Variants in PRPF39 observed in about 807,000 individuals in gnomAD.
PRPF39 encodes the protein pre-mRNA processing factor 39, also known as pre-mRNA-processing factor 39.
Under a neutral mutation model 82.1 loss-of-function variants are expected in PRPF39, and 27 were observed. The observed-to-expected ratio is 0.33, with a 90% CI of 0.24 to 0.45. PRPF39 has a LOEUF of 0.45. PRPF39 is among the 20% of genes least tolerant of loss of function. The probability of loss-of-function intolerance (pLI) is 1.00; values close to 1 mark genes in which losing one functional copy is unlikely to be tolerated. For missense variants in PRPF39, 581 were observed against 796.9 expected, an observed-to-expected ratio of 0.73 and a Z score of 3.26; for synonymous variants, 261 against 256.4, an observed-to-expected ratio of 1.02 and a Z score of -0.17.
At chr14:45,105,859 G>A (rs1594733514) in intron 5 of PRPF39, among the ~76,000 whole-genome samples, 1 of 152,010 alleles carries the variant, frequency 6.6e-6, no homozygotes, top group South Asian at 2.1e-4. Context: ...TCTGATAGTA[G>A]TATAGAGGTG....
chr14:45,108,397 TCC>T lies in PRPF39; in HGVS notation c.904-16_904-15del. On this transcript the variant is annotated splice_polypyrimidine_tract_variant and intron_variant, in intron 6 of 13. Transcript: ENST00000355765. ...ATACAGTTTGTGAGATTTATTTTTTTCCCTTTTTCTTCCCAAGCTAATTACAG... is the reference window on the plus strand; with the variant it reads ...ATACAGTTTGTGAGATTTATTTTTTTCTTTTTCTTCCCAAGCTAATTACAG... 1 of 1,562,906 alleles carries T rather than the reference TCC, an allele frequency of 6.4e-7. No homozygotes were observed. Among genetic ancestry groups the T allele is most frequent in the African/African-American group, 1.4e-5 (1 of 71,844 alleles).
intron 10 of PRPF39, among the ~76,000 whole-genome samples, chr14:45,111,934 G>T (rs969626031): frequency 2.0e-5 from 3 of 151,988 alleles, no homozygotes; most frequent in Non-Finnish European, 4.4e-5. Context: ...CACCACGCCC[G>T]GTTAAGATGT....
Position 45,109,783 on chromosome 14 carries a change from A to G in PRPF39, c.1176+3A>G, listed in dbSNP as rs1314778050. 4 of 1,592,812 alleles carry G rather than the reference A, an allele frequency of 2.5e-6. No homozygotes were observed. Among genetic ancestry groups the G allele is most frequent in the Admixed American group, 1.8e-5 (1 of 55,642 alleles). On this transcript the variant is annotated splice_donor_region_variant and intron_variant, in intron 8 of 13. Coordinates refer to ENST00000355765, the MANE Select transcript of PRPF39 (RefSeq NM_017922.4). ...TCTATGAGGAGTTTTGGATTAAGGT[A>G]AGAAAATCATGTGCTCTTAAACTTG...
rs1884162394 is a variant in PRPF39, at chr14:45,095,290, A to T, written c.51A>T (p.Thr17=). 7 of 1,611,610 alleles carry T rather than the reference A, an allele frequency of 4.3e-6. No individual in the cohort carries two copies. Among genetic ancestry groups the T allele is most frequent in the African/African-American group, 1.3e-5 (1 of 74,906 alleles). Residue 17 remains threonine (T), a synonymous_variant, in exon 2 of 14, where the codon ACA becomes ACT. Transcript: ENST00000355765. Reference sequence around the variant, plus strand: ...ACAGAAATTCTAGTAATGGCAGCACAGGCAACAGTTCAGAGGTAGTGGTAG... The same window carrying T: ...ACAGAAATTCTAGTAATGGCAGCACTGGCAACAGTTCAGAGGTAGTGGTAG... ...DEYRNSSNGS[T]GNSSEVVVEH...
Position 45,110,997 on chromosome 14 carries a change from A to G in PRPF39, c.1572+180A>G. 1 of 615,162 alleles carries G rather than the reference A, an allele frequency of 1.6e-6. No homozygotes were observed. The highest frequency in any genetic ancestry group is 2.8e-6 in the Non-Finnish European group (1 of 362,552). The allele number at this position is 615,162 out of a possible 1,614,324, so 38.1% of individuals were successfully genotyped here. ...AAAAATTTTTTTCAAATTGTTTTGA[A>G]TTAAAAGTTTTAGACATTAAGATTA... On this transcript the variant is annotated intron_variant, in intron 10 of 13. Coordinates refer to ENST00000355765, the MANE Select transcript of PRPF39 (RefSeq NM_017922.4). This position sits in a 1 kb window ranked among gnomAD's most constrained non-coding sequence, Gnocchi z 4.0.
Position 45,095,372 on chromosome 14 carries a change from C to A in PRPF39, c.133C>A (p.Pro45Thr), listed in dbSNP as rs755413022. Residue 45 changes from proline to threonine, a missense_variant, in exon 2 of 14, where the codon CCT (proline) becomes ACT (threonine). Pro to Thr is a conservative substitution (Grantham distance 38). Transcript: ENST00000355765. ...IMNVTEMEQSPDDSPNVNAST... is the reference protein window; with the variant it reads ...IMNVTEMEQSTDDSPNVNAST... ...GAACGTTACAGAAATGGAACAGTCA[C>A]CTGATGACTCTCCCAATGTGAATGC... 3 of 1,613,742 alleles carry A rather than the reference C, an allele frequency of 1.9e-6. No individual in the cohort carries two copies. The highest frequency in any genetic ancestry group is 1.1e-5 in the South Asian group (1 of 91,082).
At position 45,110,921 on chromosome 14, in the gene PRPF39, A is replaced by G. The variant is rs566286272; in HGVS notation, c.1572+104A>G. ...GAAAGATTTGGTCTGTATGTAATAG[A>G]TTTTATTACTAAATGAGGACAACAG... On this transcript the variant is annotated intron_variant, in intron 10 of 13. Coordinates refer to ENST00000355765, the MANE Select transcript of PRPF39 (RefSeq NM_017922.4). The surrounding 1 kb of genome is among the most constrained non-coding windows in gnomAD (Gnocchi z 4.0). 12 of 1,117,476 alleles carry G rather than the reference A, an allele frequency of 1.1e-5. No homozygotes were observed. The highest frequency in any genetic ancestry group is 2.9e-5 in the Admixed American group (1 of 35,068). 69.2% of individuals were successfully genotyped at this position (1,117,476 alleles called of 1,614,324 possible). A position where few individuals can be genotyped will look rare whatever the true frequency, so the allele number is the denominator to read the frequency against.
At chr14:45,097,652 T>C (rs1884243224) in intron 4 of PRPF39, among the ~76,000 whole-genome samples, 1 of 152,174 alleles carries the variant, frequency 6.6e-6, no homozygotes, top group Non-Finnish European at 1.5e-5. Context: ...GTGGCATCTC[T>C]TTTAATTTGT....
At chr14:45,087,686 A>C (rs1398951391) in intron 1 of PRPF39, among the ~76,000 whole-genome samples, 2 of 148,882 alleles carry the variant, frequency 1.3e-5, no homozygotes, top group Non-Finnish European at 1.5e-5. Flanking sequence ...CCATTCTCCT[A>C]CCTCAGCCTC....
intron 5 of PRPF39, among the ~76,000 whole-genome samples, chr14:45,105,681 G>C (rs988618903): frequency 6.6e-6 from 1 of 151,436 alleles, no homozygotes; most frequent in Non-Finnish European, 1.5e-5. Context: ...TGCCCGCCCC[G>C]ACACGGAGCT....
At chr14:45,102,409 T>C (rs1203931876) in intron 4 of PRPF39, 120 bp from the exon 5 acceptor site, 2 of 790,512 alleles carry the variant, frequency 2.5e-6, no homozygotes, top group African/African-American at 3.6e-5. Context: ...TAATCCCTAC[T>C]TGCATAGGAA....
intron 1 of PRPF39, among the ~76,000 whole-genome samples, chr14:45,085,669 T>C (rs1234512564): frequency 1.3e-5 from 2 of 152,188 alleles, no homozygotes; most frequent in Non-Finnish European, 2.9e-5. Context: ...ATGTAGAGAC[T>C]TTAAAAAGTC....
intron 12 of PRPF39, 53 bp from the exon 13 acceptor site, chr14:45,114,441 A>G (rs1483505052): frequency 1.3e-6 from 2 of 1,501,006 alleles, no homozygotes; most frequent in East Asian, 2.3e-5. Context: ...TCTATTCGTT[A>G]AAGTTCTTAC....
chr14:45,100,225 G>A (rs1884330967), intron 4 of PRPF39, among the ~76,000 whole-genome samples: 1 of 151,064 alleles, frequency 6.6e-6, no homozygotes, highest in Non-Finnish European at 1.5e-5. Context: ...GCGAGACCCT[G>A]TCTCAAAAAC....
chr14:45,088,439 C>T (rs1883913361), intron 1 of PRPF39: 1 of 153,100 alleles, frequency 6.5e-6, no homozygotes, highest in African/African-American at 2.4e-5. Context: ...ACTGCATGTA[C>T]TAAGGTTCCT....
intron 4 of PRPF39, among the ~76,000 whole-genome samples, chr14:45,099,739 C>T (rs768290311): frequency 3.2e-4 from 48 of 152,170 alleles, no homozygotes; most frequent in Admixed American, 2.6e-4. Context: ...CCACCACGCC[C>T]GGCCCAGATT....
chr14:45,097,458 C>T (rs1884237522), intron 4 of PRPF39, among the ~76,000 whole-genome samples: 1 of 152,156 alleles, frequency 6.6e-6, no homozygotes, highest in Admixed American at 6.5e-5. Context: ...CTACAGTGAA[C>T]ATCTCTGTAC....
In PRPF39 at chr14:45,110,611, A is replaced by G. The variant is rs190135276; in HGVS notation, c.1366A>G (p.Met456Val). 11 of 1,572,298 alleles carry G rather than the reference A, an allele frequency of 7.0e-6. No homozygotes were observed. The highest frequency in any genetic ancestry group is 4.7e-5 in the South Asian group (4 of 85,740). The change falls in exon 10 of 14, where the codon ATG becomes GTG. Residue 456 changes from methionine (M) to valine (V), a missense_variant. Coordinates refer to ENST00000355765, the MANE Select transcript of PRPF39 (RefSeq NM_017922.4). This position sits in a 1 kb window ranked among gnomAD's most constrained non-coding sequence, Gnocchi z 4.0. ...TGAAGAATGTGTTCTAGGATTGGCA[A>G]TGGTTCGTTTACGAAGAGTAAGTTT... ...TFEECVLGLA[M>V]VRLRRVSLER...
intron 1 of PRPF39, among the ~76,000 whole-genome samples, chr14:45,089,468 T>G (rs534667914): frequency 6.6e-6 from 1 of 152,304 alleles, no homozygotes; most frequent in African/African-American, 2.4e-5. Context: ...GTATCACACT[T>G]GATTTCTTTC....
Sources: allele counts gnomAD v4.1 joint callset (sites outside exome capture counted in the v4.1 genomes callset), GRCh38; gene constraint gnomAD v4.1.1; non-coding constraint Gnocchi (gnomAD v3.1); transcripts MANE v1.5; gene names NCBI Gene and HGNC (gene_info 2026-07-23, HGNC 2026-07-21).